The following DPP10 variants were observed in gnomAD, a reference collection of about 807,000 sequenced individuals.
DPP10 encodes the protein inactive dipeptidyl peptidase 10.
Under a neutral mutation model 120.9 loss-of-function variants are expected in DPP10, and 33 were observed. The ratio of observed to expected loss-of-function variants is 0.27; its 90% confidence interval spans 0.21 to 0.37. The LOEUF (loss-of-function observed/expected upper bound fraction) is 0.37. Ranked by LOEUF, DPP10 falls within the 10% of genes least tolerant of loss-of-function variation. The probability of loss-of-function intolerance (pLI) is 1.00; values close to 1 mark genes in which losing one functional copy is unlikely to be tolerated. For synonymous variants in DPP10, 337 were observed against 326.1 expected, an observed-to-expected ratio of 1.03 and a Z score of -0.36; for missense variants, 816 against 942.8, an observed-to-expected ratio of 0.87 and a Z score of 1.76.
chr2:115,302,752 C>T (rs1241087375), intron 1 of DPP10, among the ~76,000 whole-genome samples: 3 of 152,010 alleles, frequency 2.0e-5, no homozygotes, highest in Non-Finnish European at 4.4e-5. Flanking sequence ...GCATATTTAA[C>T]CTTATGTAGG....
intron 5 of DPP10, among the ~76,000 whole-genome samples, chr2:115,534,777 T>G (rs950767661): frequency 4.6e-5 from 7 of 151,114 alleles, no homozygotes; most frequent in Admixed American, 4.0e-4. Flanking sequence ...CACCTGTTGT[T>G]TCCTGACTTT....
At chr2:115,303,375 G>A (rs1346504353) in intron 1 of DPP10, among the ~76,000 whole-genome samples, 2 of 151,652 alleles carry the variant, frequency 1.3e-5, no homozygotes, top group East Asian at 1.9e-4. Context: ...GCTTGTAAAT[G>A]TTGTCAATTA....
chr2:115,167,761 A>G (rs1311154060), intron 1 of DPP10, among the ~76,000 whole-genome samples: 1 of 152,210 alleles, frequency 6.6e-6, no homozygotes. Flanking sequence ...GGATTTGGAC[A>G]TCAATCCTAT....
intron 1 of DPP10, among the ~76,000 whole-genome samples, chr2:114,887,681 A>G (rs1460010204): frequency 2.0e-5 from 3 of 152,234 alleles, no homozygotes; most frequent in Non-Finnish European, 4.4e-5. Context: ...AGGAACTACC[A>G]TAATTGCTAC....
At chr2:115,037,314 G>A (rs969837359) in intron 1 of DPP10, among the ~76,000 whole-genome samples, 11 of 152,132 alleles carry the variant, frequency 7.2e-5, no homozygotes, top group East Asian at 1.9e-4. Flanking sequence ...GAAAATCTTC[G>A]TAGACTTACA....
intron 5 of DPP10, among the ~76,000 whole-genome samples, chr2:115,572,444 C>G (rs1234538160): frequency 6.6e-6 from 1 of 152,054 alleles, no homozygotes; most frequent in Non-Finnish European, 1.5e-5. Context: ...AATGTGTATA[C>G]ACACATTGCA....
chr2:115,581,182 A>G (rs1416584520), intron 5 of DPP10, among the ~76,000 whole-genome samples: 2 of 152,162 alleles, frequency 1.3e-5, no homozygotes. Flanking sequence ...CACACACTTA[A>G]TGGCTCTGAT....
chr2:115,678,047 C>T (rs1200765866), intron 5 of DPP10, among the ~76,000 whole-genome samples: 1 of 152,108 alleles, frequency 6.6e-6, no homozygotes, highest in East Asian at 1.9e-4. Flanking sequence ...TTTTTGAAAA[C>T]TCAAAATTAT....
chr2:115,283,910 T>C (rs1248087923), intron 1 of DPP10, among the ~76,000 whole-genome samples: 1 of 152,044 alleles, frequency 6.6e-6, no homozygotes, highest in Non-Finnish European at 1.5e-5. Context: ...CTAGGAGCAA[T>C]AGGCTAGACT....
chr2:115,133,555 T>G (rs2050492926), intron 1 of DPP10, among the ~76,000 whole-genome samples: 1 of 152,096 alleles, frequency 6.6e-6, no homozygotes, highest in Non-Finnish European at 1.5e-5. Flanking sequence ...GCCAAAAACT[T>G]TATCAGGCGT....
intron 1 of DPP10, among the ~76,000 whole-genome samples, chr2:114,904,008 A>G (rs760200806): frequency 1.3e-5 from 2 of 152,224 alleles, no homozygotes; most frequent in Non-Finnish European, 2.9e-5. Flanking sequence ...CTGAGATGAC[A>G]AATAGATTTT....
chr2:114,897,505 A>G (rs1297650530), intron 1 of DPP10, among the ~76,000 whole-genome samples: 2 of 152,228 alleles, frequency 1.3e-5, no homozygotes, highest in Non-Finnish European at 2.9e-5. Context: ...ATGTGATCTA[A>G]TTAAACTAAA....
chr2:115,540,717 TA>T (rs2079125151), intron 5 of DPP10, among the ~76,000 whole-genome samples: 1 of 151,834 alleles, frequency 6.6e-6, no homozygotes, highest in South Asian at 2.1e-4. Context: ...TCTTTCTGGA[TA>T]AAAAAATTCT....
At chr2:115,077,732 C>T (rs768058654) in intron 1 of DPP10, among the ~76,000 whole-genome samples, 162 of 152,306 alleles carry the variant, frequency 1.1e-3, no homozygotes, top group Non-Finnish European at 1.8e-3. Flanking sequence ...GGCCTGTTGC[C>T]CTCAAGAACA....
At chr2:115,689,013 G>A (rs2091163154) in intron 5 of DPP10, among the ~76,000 whole-genome samples, 1 of 152,100 alleles carries the variant, frequency 6.6e-6, no homozygotes. Context: ...ACTGTGCTAG[G>A]TAATGTGGAG....
Position 115,489,127 on chromosome 2 carries a change from A to G in DPP10, c.272-10383A>G, listed in dbSNP as rs147155921. Among the ~76,000 whole-genome samples, 179 of 152,238 alleles carry G rather than the reference A, an allele frequency of 1.2e-3. 6 individuals carry two copies. The East Asian group carries it at 0.025, about 22-fold the overall frequency. ...CAGCAAACTTTTTATTTAAAGAACC[A>G]GAGGGTAAATATTTAAGGCTTTGCG... On this transcript the variant is annotated intron_variant, in intron 3 of 25. Transcript: ENST00000410059.
intron 1 of DPP10, among the ~76,000 whole-genome samples, chr2:114,925,719 G>C (rs879714804): frequency 7.2e-5 from 11 of 152,182 alleles, no homozygotes; most frequent in Non-Finnish European, 4.4e-5. Flanking sequence ...ATCTCCCCGA[G>C]AGCCCTGTAG....
intron 1 of DPP10, among the ~76,000 whole-genome samples, chr2:114,561,344 T>C (rs1479318416): frequency 1.3e-5 from 2 of 152,170 alleles, no homozygotes; most frequent in African/African-American, 4.8e-5. Flanking sequence ...TTGTCAAGTT[T>C]TATGTTATTA....
At chr2:115,503,570 A>G (rs2076793925) in intron 4 of DPP10, among the ~76,000 whole-genome samples, 2 of 152,156 alleles carry the variant, frequency 1.3e-5, no homozygotes, top group African/African-American at 4.8e-5. Context: ...TTGGCCACGT[A>G]GCCTCACATA....
Sources: allele counts gnomAD v4.1 joint callset (sites outside exome capture counted in the v4.1 genomes callset), GRCh38; gene constraint gnomAD v4.1.1; transcripts MANE v1.5; gene names NCBI Gene and HGNC (gene_info 2026-07-23, HGNC 2026-07-21).